The following SLC41A2 variants were observed in gnomAD, a reference collection of about 807,000 sequenced individuals.
SLC41A2 encodes the protein solute carrier family 41 member 2.
SLC41A2 carries 32 observed loss-of-function variants against 58.3 expected under a neutral mutation model. That is an observed-to-expected ratio of 0.55 (90% confidence interval 0.41 to 0.74). SLC41A2 has a LOEUF of 0.74. SLC41A2 is among the 30% of genes least tolerant of loss of function. The pLI is 0.00. For synonymous variants in SLC41A2, 190 were observed against 235.0 expected (o/e 0.81, Z 1.75); for missense variants, 514 against 680.6 (o/e 0.76, Z 2.72).
chr12:104,880,467 C>T (rs2044306205), intron 6 of SLC41A2, among the ~76,000 whole-genome samples: 1 of 152,116 alleles, frequency 6.6e-6, no homozygotes, highest in African/African-American at 2.4e-5. Context: ...ATAAATAGCT[C>T]TTACTATTTT....
rs932508414 is a variant in SLC41A2, at chr12:104,803,627, G to A, written c.*1525C>T. On this transcript the variant is annotated 3_prime_UTR_variant, in exon 11 of 11. Coordinates refer to ENST00000258538, the MANE Select transcript of SLC41A2 (RefSeq NM_001352171.3). Reference sequence around the variant, plus strand: ...CAGCTTAAATTATTAAATATCTAACGGTCTTGAGAGATTGAATTTTAAAAA... The same window carrying A: ...CAGCTTAAATTATTAAATATCTAACAGTCTTGAGAGATTGAATTTTAAAAA... The A allele has an allele frequency of 5.3e-5, 8 of 151,902 alleles. No individual in the cohort carries two copies. Among genetic ancestry groups the A allele is most frequent in the Non-Finnish European group, 7.4e-5 (5 of 67,990 alleles). 9.4% of individuals were successfully genotyped at this position (151,902 alleles called of 1,614,324 possible). A position where few individuals can be genotyped will look rare whatever the true frequency, so the allele number is the denominator to read the frequency against.
At chr12:104,914,004 G>C (rs932840683) in intron 2 of SLC41A2, among the ~76,000 whole-genome samples, 4 of 152,182 alleles carry the variant, frequency 2.6e-5, no homozygotes, top group African/African-American at 9.7e-5. Flanking sequence ...AGAAGTTGCA[G>C]TGAGCTGAGA....
chr12:104,810,864 CA>C (rs1357281957), intron 10 of SLC41A2, among the ~76,000 whole-genome samples: 2 of 152,218 alleles, frequency 1.3e-5, no homozygotes, highest in Admixed American at 6.5e-5. Context: ...GGCTCAAATT[CA>C]CAGAGTCCAA....
intron 1 of SLC41A2, among the ~76,000 whole-genome samples, chr12:104,940,261 C>T (rs148119937): frequency 6.6e-6 from 1 of 152,014 alleles, no homozygotes; most frequent in East Asian, 1.9e-4. Context: ...ATCCACCTGC[C>T]TCAGCTTCCC....
chr12:104,925,482 CG>C (rs904597221), intron 2 of SLC41A2, among the ~76,000 whole-genome samples: 2 of 151,828 alleles, frequency 1.3e-5, no homozygotes, highest in Admixed American at 6.6e-5. Context: ...GGTATGAACC[CG>C]GGAGGCGGAG....
At chr12:104,873,426 C>A (rs1373415462) in intron 6 of SLC41A2, among the ~76,000 whole-genome samples, 1 of 152,170 alleles carries the variant, frequency 6.6e-6, no homozygotes, top group Admixed American at 6.5e-5. Context: ...ATTTACTCAT[C>A]CATCAGGAAC....
chr12:104,835,517 G>A (rs1257445288), intron 10 of SLC41A2, among the ~76,000 whole-genome samples: 3 of 152,048 alleles, frequency 2.0e-5, no homozygotes, highest in South Asian at 2.1e-4. Flanking sequence ...TAGCTGAAAC[G>A]GCATTTTCTA....
At chr12:104,917,891 G>A (rs1311124092) in intron 2 of SLC41A2, among the ~76,000 whole-genome samples, 2 of 148,400 alleles carry the variant, frequency 1.3e-5, no homozygotes, top group African/African-American at 4.9e-5. Context: ...GTTAATGGGT[G>A]CAGCACACCA....
intron 8 of SLC41A2, among the ~76,000 whole-genome samples, chr12:104,852,138 A>G (rs1308609922): frequency 6.6e-6 from 1 of 152,208 alleles, no homozygotes; most frequent in Non-Finnish European, 1.5e-5. Flanking sequence ...ACTAGCAAAA[A>G]CAGCTTTGTA....
At chr12:104,957,039 T>C (rs1027964365) in intron 1 of SLC41A2, among the ~76,000 whole-genome samples, 1 of 152,158 alleles carries the variant, frequency 6.6e-6, no homozygotes, top group Non-Finnish European at 1.5e-5. Flanking sequence ...CTCCTAGGTA[T>C]ATACCCAAGA....
At chr12:104,827,694 C>T (rs1224239603) in intron 10 of SLC41A2, among the ~76,000 whole-genome samples, 1 of 152,138 alleles carries the variant, frequency 6.6e-6, no homozygotes, top group Non-Finnish European at 1.5e-5. Context: ...GTCAGGCAAC[C>T]GAAGCCTTGG....
chr12:104,806,749 T>C (rs1359429489), intron 10 of SLC41A2, among the ~76,000 whole-genome samples: 6 of 152,040 alleles, frequency 3.9e-5, no homozygotes, highest in Non-Finnish European at 5.9e-5. Context: ...TTTTTAATGA[T>C]TGCCATTCTA....
intron 1 of SLC41A2, among the ~76,000 whole-genome samples, chr12:104,935,524 G>C (rs931796694): frequency 1.3e-5 from 2 of 152,038 alleles, no homozygotes; most frequent in African/African-American, 4.8e-5. Flanking sequence ...AATTGTTCAT[G>C]TACTGTCAAT....
intron 10 of SLC41A2, among the ~76,000 whole-genome samples, chr12:104,831,407 A>C (rs1592955975): frequency 6.6e-6 from 1 of 152,204 alleles, no homozygotes; most frequent in Non-Finnish European, 1.5e-5. Context: ...TAAACTGGCC[A>C]TGATGTTAAA....
chr12:104,911,023 G>C (rs1383980983), intron 2 of SLC41A2, among the ~76,000 whole-genome samples: 1 of 152,058 alleles, frequency 6.6e-6, no homozygotes, highest in Admixed American at 6.6e-5. Context: ...TAAGAACCTT[G>C]GTCTCCACAC....
chr12:104,889,092 T>C lies in SLC41A2; in HGVS notation c.821A>G (p.His274Arg). ...ACTGCTAGAGCACAGAAGTATGGAA[T>C]GATCAAGGTAATATTTTCCTTCTGG... ...WIPEGKYYLD[H>R]SILLCSSSVA... Residue 274 changes from histidine (H) to arginine (R), a missense_variant, in exon 5 of 11, where the codon CAT becomes CGT. His to Arg is a conservative substitution (Grantham distance 29). This residue lies in a region of SLC41A2 where 336 missense variants were observed against 430.0 expected (regional missense o/e 0.78). Coordinates refer to ENST00000258538, the MANE Select transcript of SLC41A2 (RefSeq NM_001352171.3). 1 of 1,611,254 alleles carries C rather than the reference T, an allele frequency of 6.2e-7. No individual in the cohort carries two copies. Among genetic ancestry groups the C allele is most frequent in the Non-Finnish European group, 8.5e-7 (1 of 1,179,340 alleles).
intron 3 of SLC41A2, among the ~76,000 whole-genome samples, chr12:104,903,934 T>C (rs2045683054): frequency 1.3e-5 from 2 of 152,132 alleles, no homozygotes. Flanking sequence ...TATGGACACA[T>C]ACATATAACC....
chr12:104,838,248 G>A (rs1463918195), intron 10 of SLC41A2, among the ~76,000 whole-genome samples: 1 of 152,166 alleles, frequency 6.6e-6, no homozygotes, highest in Non-Finnish European at 1.5e-5. Flanking sequence ...AGTCTGCACT[G>A]TTAGTGTCGT....
At chr12:104,905,328 C>G (rs1189700957) in intron 3 of SLC41A2, among the ~76,000 whole-genome samples, 2 of 152,184 alleles carry the variant, frequency 1.3e-5, no homozygotes, top group South Asian at 2.1e-4. Flanking sequence ...TACGGAGTGT[C>G]GATTGGTGCA....
Sources: gnomAD v4.1 joint callset for allele counts (sites outside exome capture counted in the v4.1 genomes callset) on GRCh38, gnomAD v4.1.1 for gene constraint, gnomAD v4.1.1 regional missense constraint, MANE v1.5 for transcripts, NCBI Gene and HGNC (gene_info 2026-07-23, HGNC 2026-07-21) for gene names.